Variants in PDE1A observed in about 807,000 individuals in gnomAD.
PDE1A encodes the protein dual specificity calcium/calmodulin-dependent 3',5'-cyclic nucleotide phosphodiesterase 1A.
In PDE1A, 35 loss-of-function variants were observed where a neutral mutation model predicts 61.7. The observed-to-expected ratio is 0.57, with a 90% CI of 0.43 to 0.75. The LOEUF (loss-of-function observed/expected upper bound fraction) is 0.75, where lower values mean the gene tolerates loss of function less well. Ranked by LOEUF, PDE1A falls within the 30% of genes least tolerant of loss-of-function variation. The probability of loss-of-function intolerance (pLI) is 0.00; values close to 1 mark genes in which losing one functional copy is unlikely to be tolerated. For missense variants in PDE1A, 597 were observed against 630.6 expected, an observed-to-expected ratio of 0.95 and a Z score of 0.57; for synonymous variants, 232 against 213.2, an observed-to-expected ratio of 1.09 and a Z score of -0.77.
At chr2:182,487,104 A>G (rs1180540262) in intron 2 of PDE1A, among the ~76,000 whole-genome samples, 1 of 152,202 alleles carries the variant, frequency 6.6e-6, no homozygotes, top group African/African-American at 2.4e-5. Context: ...AATTGGCAAA[A>G]GAATTGAATA....
intron 1 of PDE1A, among the ~76,000 whole-genome samples, chr2:182,347,669 T>A (rs1462613906): frequency 6.6e-6 from 1 of 152,024 alleles, no homozygotes; most frequent in Non-Finnish European, 1.5e-5. Context: ...CTAGATATTG[T>A]GCAGTAAGAA....
At chr2:182,668,235 G>T in the PDE1A span, among the ~76,000 whole-genome samples, 1 of 152,168 alleles carries the variant, frequency 6.6e-6, no homozygotes, top group Admixed American at 6.5e-5. Flanking sequence ...CGTAGGATTT[G>T]TAGGGGTTCT....
chr2:182,642,379 C>T, the PDE1A span, among the ~76,000 whole-genome samples: 1 of 152,318 alleles, frequency 6.6e-6, no homozygotes, highest in African/African-American at 2.4e-5. Flanking sequence ...CTGCTTTCCA[C>T]TGCTTTGCCT....
downstream of PDE1A, among the ~76,000 whole-genome samples, chr2:182,144,986 G>C (rs927610966): frequency 3.9e-5 from 6 of 152,074 alleles, no homozygotes; most frequent in Admixed American, 3.9e-4. Context: ...ACTGATCACT[G>C]CCTGTTGTCT....
intron 2 of PDE1A, among the ~76,000 whole-genome samples, chr2:182,475,060 G>C (rs561416196): frequency 6.6e-6 from 1 of 152,006 alleles, no homozygotes; most frequent in South Asian, 2.1e-4. Context: ...TTTCTCTTTA[G>C]ATAGCTTTTT....
chr2:182,619,702 T>G, the PDE1A span, among the ~76,000 whole-genome samples: 1 of 152,204 alleles, frequency 6.6e-6, no homozygotes, highest in Non-Finnish European at 1.5e-5. Flanking sequence ...TTATTAGACA[T>G]GCAAGTTCAG....
At chr2:182,629,489 A>G in the PDE1A span, among the ~76,000 whole-genome samples, 1 of 152,202 alleles carries the variant, frequency 6.6e-6, no homozygotes. Context: ...ACATACACTT[A>G]TAGTGGGAGG....
the PDE1A span, among the ~76,000 whole-genome samples, chr2:182,532,867 C>T: frequency 2.3e-5 from 3 of 132,134 alleles, no homozygotes; most frequent in Non-Finnish European, 4.6e-5. Context: ...ATGGCGTGAA[C>T]CCCGGGAGGC....
At chr2:182,453,215 G>A (rs1685643605) in intron 2 of PDE1A, among the ~76,000 whole-genome samples, 1 of 151,990 alleles carries the variant, frequency 6.6e-6, no homozygotes, top group African/African-American at 2.4e-5. Flanking sequence ...CTCCTCATTA[G>A]GGTAATTCCT....
At chr2:182,644,945 TA>T in the PDE1A span, among the ~76,000 whole-genome samples, 1 of 151,962 alleles carries the variant, frequency 6.6e-6, no homozygotes, top group Non-Finnish European at 1.5e-5. Flanking sequence ...AAAATGAAAT[TA>T]ATTATTTCTG....
chr2:182,189,136 C>T lies in PDE1A; in HGVS notation c.1126-76G>A, dbSNP rs546918126. 4.0e-5 allele frequency: 32 copies of T among 802,884 alleles called. No homozygotes were observed. In the African/African-American group the frequency reaches 4.8e-4, roughly 12 times the overall value. 49.7% of individuals were successfully genotyped at this position (802,884 alleles called of 1,614,324 possible). A position where few individuals can be genotyped will look rare whatever the true frequency, so the allele number is the denominator to read the frequency against. On this transcript the variant is annotated intron_variant, in intron 10 of 13. Coordinates refer to ENST00000351439, the Ensembl canonical transcript of PDE1A. ...TAATGAGCAACCTAAGATATAAAGCCTAGAAAAGCCACATCTTTCATTTCT... is the reference window on the plus strand; with the variant it reads ...TAATGAGCAACCTAAGATATAAAGCTTAGAAAAGCCACATCTTTCATTTCT...
chr2:182,686,779 G>C, the PDE1A span, among the ~76,000 whole-genome samples: 1 of 152,228 alleles, frequency 6.6e-6, no homozygotes, highest in African/African-American at 2.4e-5. Flanking sequence ...CCCTTTCATA[G>C]CCATGCAAAG....
chr2:182,381,330 T>G (rs949443801), intron 1 of PDE1A, among the ~76,000 whole-genome samples: 1 of 152,160 alleles, frequency 6.6e-6, no homozygotes, highest in East Asian at 1.9e-4. Context: ...AGCCCAGTCA[T>G]GAAACATCTG....
chr2:182,691,366 A>T, the PDE1A span, among the ~76,000 whole-genome samples: 1 of 152,222 alleles, frequency 6.6e-6, no homozygotes. Flanking sequence ...AGCCCTCAGA[A>T]ATAATACCAC....
the PDE1A span, among the ~76,000 whole-genome samples, chr2:182,620,558 A>G: frequency 4.6e-5 from 7 of 152,332 alleles, no homozygotes; most frequent in East Asian, 1.3e-3. Flanking sequence ...GAGAAAATAC[A>G]TTTTATAATT....
At chr2:182,647,492 TG>T in the PDE1A span, among the ~76,000 whole-genome samples, 1 of 152,332 alleles carries the variant, frequency 6.6e-6, no homozygotes, top group African/African-American at 2.4e-5. Context: ...AAGAGCCTCA[TG>T]GAATTCAATT....
chr2:182,481,176 G>A (rs1272909736), intron 2 of PDE1A, among the ~76,000 whole-genome samples: 2 of 151,898 alleles, frequency 1.3e-5, no homozygotes, highest in Admixed American at 6.6e-5. Flanking sequence ...AACAAGACTG[G>A]TTTTTTTAAA....
At chr2:182,351,760 G>A (rs1453524150) in intron 1 of PDE1A, among the ~76,000 whole-genome samples, 1 of 152,124 alleles carries the variant, frequency 6.6e-6, no homozygotes, top group Non-Finnish European at 1.5e-5. Context: ...GTTCTGTTGT[G>A]CAGACAAACT....
At chr2:182,572,374 A>G in the PDE1A span, among the ~76,000 whole-genome samples, 1 of 152,200 alleles carries the variant, frequency 6.6e-6, no homozygotes, top group Non-Finnish European at 1.5e-5. Flanking sequence ...GAGGAAGGAA[A>G]GAGAAGAAAA....
Sources: gnomAD v4.1 joint callset for allele counts (sites outside exome capture counted in the v4.1 genomes callset) on GRCh38, gnomAD v4.1.1 for gene constraint, MANE v1.5 for transcripts, NCBI Gene and HGNC (gene_info 2026-07-23, HGNC 2026-07-21) for gene names.